MXRA8: variants seen among roughly 807,000 people sequenced by gnomAD.
MXRA8 encodes the protein matrix remodeling associated 8.
Under a neutral mutation model 51.4 loss-of-function variants are expected in MXRA8, and 44 were observed. The ratio of observed to expected loss-of-function variants is 0.86; its 90% CI spans 0.67 to 1.10. The LOEUF (loss-of-function observed/expected upper bound fraction) is 1.10. Ranked by LOEUF, MXRA8 falls within the 50% of genes least tolerant of loss-of-function variation. MXRA8 has a pLI of 0.00. For synonymous variants in MXRA8, 369 were observed against 293.5 expected (o/e 1.26, Z -2.63); for missense variants, 765 against 638.9 (o/e 1.20, Z -2.13).
chr1:1,353,351 T>C lies in MXRA8; in HGVS notation c.*253A>G. ...GAAGGGTCTGAGGGCATGATGGGCA[T>C]CAGTGGGATTTTGGTTGTGCCAGGG... On this transcript the variant is annotated 3_prime_UTR_variant, in exon 10 of 10. Transcript: ENST00000309212. 1 of 1,548,444 alleles carries C rather than the reference T, an allele frequency of 6.5e-7. No individual in the cohort carries two copies. Among genetic ancestry groups the C allele is most frequent in the Non-Finnish European group, 8.7e-7 (1 of 1,145,984 alleles).
upstream of MXRA8, chr1:1,359,390 C>T (rs568821671): frequency 3.3e-5 from 33 of 985,428 alleles, no homozygotes; most frequent in Non-Finnish European, 1.7e-5. Flanking sequence ...TAAACAAATG[C>T]GAAATAACAG....
upstream of MXRA8, chr1:1,361,736 C>G (rs1644225181): frequency 5.6e-6 from 1 of 179,726 alleles, no homozygotes; most frequent in Non-Finnish European, 1.2e-5. Context: ...CCTACCCAGG[C>G]TGAGTTTCTC....
At chr1:1,363,379 T>C (rs1325278772), upstream of MXRA8, among the ~76,000 whole-genome samples, 1 of 151,624 alleles carries the variant, frequency 6.6e-6, no homozygotes, top group Non-Finnish European at 1.5e-5. Context: ...ATTCCTGGCC[T>C]CAAGCGATCC....
At position 1,354,708 on chromosome 1, in the gene MXRA8, G is replaced by T; in HGVS notation, c.923C>A (p.Ser308Tyr). The stretch of plus-strand genomic sequence containing the variant: ...TGGGCCTGGGGCGCCGCTGTGGCTG[G>T]AGCCGTTGCCCGGAGAGCCCCGGGG... ...PPPRGSPGNG[S>Y]SHSGAPGPDP... The change falls in exon 5 of 10, where the codon TCC (serine) becomes TAC (tyrosine). Residue 308 changes from serine (S) to tyrosine (Y), a missense_variant. Coordinates refer to ENST00000309212, the MANE Select transcript of MXRA8 (RefSeq NM_032348.4). 2 of 1,596,118 alleles carry T rather than the reference G, an allele frequency of 1.3e-6. No homozygotes were observed. Among genetic ancestry groups the T allele is most frequent in the Non-Finnish European group, 1.7e-6 (2 of 1,172,746 alleles).
At chr1:1,357,688 T>C (rs1164205722) in intron 1 of MXRA8, among the ~76,000 whole-genome samples, 1 of 152,142 alleles carries the variant, frequency 6.6e-6, no homozygotes, top group African/African-American at 2.4e-5. Flanking sequence ...TGGGCGCCTA[T>C]AGTCCCAGCT....
chr1:1,360,197 TCCAGCCACACTTTCGGGGAC>T (rs1403446453), upstream of MXRA8, among the ~76,000 whole-genome samples: 1 of 152,176 alleles, frequency 6.6e-6, no homozygotes, highest in Non-Finnish European at 1.5e-5. Flanking sequence ...GGCAGTGGCC[TCCAGCCACACTTTCGGGGAC>T]CCAGCCAGCG....
At chr1:1,356,967 T>C (rs1644146578) in intron 1 of MXRA8, among the ~76,000 whole-genome samples, 1 of 152,052 alleles carries the variant, frequency 6.6e-6, no homozygotes, top group Non-Finnish European at 1.5e-5. Context: ...GGTTCTGGGG[T>C]GTGTGCTTGT....
upstream of MXRA8, among the ~76,000 whole-genome samples, chr1:1,360,941 C>T (rs956986277): frequency 2.0e-5 from 3 of 151,612 alleles, no homozygotes; most frequent in Non-Finnish European, 2.9e-5. Context: ...GACACAGACA[C>T]GCATGCACAT....
Position 1,353,436 on chromosome 1 carries a change from C to A in MXRA8, c.*168G>T. 2.6e-6 allele frequency: 4 copies of A among 1,510,770 alleles called. No individual in the cohort carries two copies. Among genetic ancestry groups the A allele is most frequent in the Non-Finnish European group, 3.6e-6 (4 of 1,126,152 alleles). The allele number at this position is 1,510,770 out of a possible 1,614,324, so 93.6% of individuals were successfully genotyped here. A position where few individuals can be genotyped will look rare whatever the true frequency, so the allele number is the denominator to read the frequency against. ...GGTGGGGGCTATGCTGCCACCAAGC[C>A]CCTGGGAGAGGGGTGTGGAGGCGGC... is the stretch of plus-strand genomic sequence containing the variant. On this transcript the variant is annotated 3_prime_UTR_variant, in exon 10 of 10. Transcript: ENST00000309212.
rs1644138134 is a variant in MXRA8 at position 1,356,606 on chromosome 1, C to T, written c.73+75G>A. ...GGGGAGGGGCAGGGCCTGAGGACCC[C>T]CGGGGGCTGGGCCTGGCAAGATAGG... On this transcript the variant is annotated intron_variant, in intron 2 of 9. Coordinates refer to ENST00000309212, the MANE Select transcript of MXRA8 (RefSeq NM_032348.4). 4 of 995,838 alleles carry T rather than the reference C, an allele frequency of 4.0e-6. No homozygotes were observed. In the South Asian group the frequency reaches 1.2e-4, roughly 30 times the overall value. 61.7% of individuals were successfully genotyped at this position (995,838 alleles called of 1,614,324 possible). A position where few individuals can be genotyped will look rare whatever the true frequency, so the allele number is the denominator to read the frequency against.
Position 1,352,836 on chromosome 1 carries a change from CCCAGCCCTAGACT to C in MXRA8, c.*755_*767del, listed in dbSNP as rs1644030214. ...AGCCAGTACAGAAGCCAAATGTAGC[CCCAGCCCTAGACT>C]CCAGCCCAGGCAGAGTCCAAGGGAG... On this transcript the variant is annotated 3_prime_UTR_variant, in exon 10 of 10. Coordinates refer to ENST00000309212, the MANE Select transcript of MXRA8 (RefSeq NM_032348.4). 4.4e-6 allele frequency: 1 copy of C among 229,260 alleles called. No individual in the cohort carries two copies. The highest frequency in any genetic ancestry group is 5.3e-5 in the South Asian group (1 of 18,842). 14.2% of individuals were successfully genotyped at this position (229,260 alleles called of 1,614,324 possible).
At position 1,356,723 on chromosome 1, in the gene MXRA8, G is replaced by T; in HGVS notation, c.50-19C>A. 1 of 1,412,264 alleles carries T rather than the reference G, an allele frequency of 7.1e-7. No individual in the cohort carries two copies. Among genetic ancestry groups the T allele is most frequent in the Non-Finnish European group, 9.3e-7 (1 of 1,072,706 alleles). 87.5% of individuals were successfully genotyped at this position (1,412,264 alleles called of 1,614,324 possible). A position where few individuals can be genotyped will look rare whatever the true frequency, so the allele number is the denominator to read the frequency against. Reference sequence around the variant, plus strand: ...GCAGAGCCTGGAAGGAGAGGAGTGAGCTGGAGAGGCCACCCACAGCCCCAC... The same window carrying T: ...GCAGAGCCTGGAAGGAGAGGAGTGATCTGGAGAGGCCACCCACAGCCCCAC... On this transcript the variant is annotated intron_variant, in intron 1 of 9. Coordinates refer to ENST00000309212, the MANE Select transcript of MXRA8 (RefSeq NM_032348.4).
chr1:1,354,032 A>AG lies in MXRA8; in HGVS notation c.1219dup (p.Leu407ProfsTer61). The AG allele has an allele frequency of 6.2e-7, 1 of 1,612,850 alleles. No individual in the cohort carries two copies. Among genetic ancestry groups the AG allele is most frequent in the Non-Finnish European group, 8.5e-7 (1 of 1,179,928 alleles). On this transcript the variant is annotated frameshift_variant, in exon 8 of 10. Coordinates refer to ENST00000309212, the MANE Select transcript of MXRA8 (RefSeq NM_032348.4). LOFTEE classifies it high-confidence loss of function. ...CTCGTGTCCCAGCACTGCCTCACCTAGCTGGATGTCCTCACTCCTGTAAAG... is the reference window on the plus strand; with the variant it reads ...CTCGTGTCCCAGCACTGCCTCACCTAGGCTGGATGTCCTCACTCCTGTAAAG...
upstream of MXRA8, among the ~76,000 whole-genome samples, chr1:1,363,512 G>A (rs1231546909): frequency 2.7e-5 from 4 of 149,994 alleles, no homozygotes; most frequent in Non-Finnish European, 4.4e-5. Context: ...CAGAATCACC[G>A]CAACCTCTGC....
upstream of MXRA8, among the ~76,000 whole-genome samples, chr1:1,362,605 C>A (rs1644233847): frequency 6.6e-6 from 1 of 151,802 alleles, no homozygotes; most frequent in African/African-American, 2.4e-5. Flanking sequence ...CATGGTGAAA[C>A]CCTGTCTCTA....
Position 1,353,186 on chromosome 1 carries a change from G to T in MXRA8, c.*418C>A. The T allele has an allele frequency of 1.7e-6, 2 of 1,142,966 alleles. No individual in the cohort carries two copies. The highest frequency in any genetic ancestry group is 1.3e-5 in the South Asian group (1 of 74,546). 70.8% of individuals were successfully genotyped at this position (1,142,966 alleles called of 1,614,324 possible). On this transcript the variant is annotated 3_prime_UTR_variant, in exon 10 of 10. Coordinates refer to ENST00000309212, the MANE Select transcript of MXRA8 (RefSeq NM_032348.4). ...TTCTGATGGGAGTGTCCTCCTCCAG[G>T]AACATCTCCCAGCCCCCGACGAGCA...
chr1:1,354,599 C>T (rs1338825225), intron 5 of MXRA8, 83 bp downstream of exon 5: 19 of 1,554,784 alleles, frequency 1.2e-5, no homozygotes, highest in Non-Finnish European at 1.5e-5. Flanking sequence ...ATCCGCGGGC[C>T]TCGGGCAAGG....
At position 1,355,241 on chromosome 1, in the gene MXRA8, C is replaced by CA; in HGVS notation, c.478+2dup. On this transcript the variant is annotated splice_region_variant and intron_variant, in intron 4 of 9. Transcript: ENST00000309212. ...AGCTGGGGGGCGGGGGGGAAGCACTCACGGCCGTCGGTGACCTCCAGGCGG... is the reference window on the plus strand; with the variant it reads ...AGCTGGGGGGCGGGGGGGAAGCACTCAACGGCCGTCGGTGACCTCCAGGCGG... 1 of 1,553,152 alleles carries CA rather than the reference C, an allele frequency of 6.4e-7. No individual in the cohort carries two copies. Among genetic ancestry groups the CA allele is most frequent in the African/African-American group, 1.4e-5 (1 of 70,298 alleles).
At chr1:1,358,256 G>A (rs576525627) in intron 1 of MXRA8, among the ~76,000 whole-genome samples, 200 bp downstream of exon 1, 255 of 152,348 alleles carry the variant, frequency 1.7e-3, no homozygotes, top group Non-Finnish European at 2.5e-3. Flanking sequence ...CTCCCTAGGA[G>A]GGGAGGCTGG....
Sources: allele counts gnomAD v4.1 joint callset (sites outside exome capture counted in the v4.1 genomes callset), GRCh38; gene constraint gnomAD v4.1.1; transcripts MANE v1.5; gene names NCBI Gene and HGNC (gene_info 2026-07-23, HGNC 2026-07-21).